The following CHRNA6 variants were observed in gnomAD, a reference collection of about 807,000 sequenced individuals.
CHRNA6 encodes the protein cholinergic receptor nicotinic alpha 6 subunit.
CHRNA6 carries 31 observed loss-of-function variants against 40.9 expected under a neutral mutation model. That is an observed-to-expected ratio of 0.76 (90% CI 0.57 to 1.02). The LOEUF is 1.02. CHRNA6 is among the 50% of genes least tolerant of loss of function. The probability of loss-of-function intolerance (pLI) is 0.00; values close to 1 mark genes in which losing one functional copy is unlikely to be tolerated. For missense variants in CHRNA6, 546 were observed against 596.6 expected, an observed-to-expected ratio of 0.92 and a Z score of 0.88; for synonymous variants, 222 against 221.3, an observed-to-expected ratio of 1.00 and a Z score of -0.03.
At chr8:42,759,340 C>T (rs969224827) in intron 2 of CHRNA6, 110 of 508,662 alleles carry the variant, frequency 2.2e-4, no homozygotes, top group African/African-American at 1.7e-3. Flanking sequence ...TAAACTCTTT[C>T]ATAGCTGATT....
chr8:42,758,114 T>G (rs886215865), intron 3 of CHRNA6, among the ~76,000 whole-genome samples: 7 of 152,188 alleles, frequency 4.6e-5, no homozygotes, highest in Admixed American at 1.3e-4. Context: ...TATCAAAATC[T>G]GGACAATTAT....
chr8:42,766,858 C>T (rs1816983177), intron 1 of CHRNA6, among the ~76,000 whole-genome samples: 1 of 152,252 alleles, frequency 6.6e-6, no homozygotes, highest in Non-Finnish European at 1.5e-5. Context: ...CAAAGCTGCA[C>T]ATCCTGCCCA....
intron 4 of CHRNA6, 21 bp downstream of exon 4, chr8:42,756,907 A>G (rs1460180431): frequency 1.2e-6 from 2 of 1,610,872 alleles, no homozygotes; most frequent in East Asian, 2.2e-5. Flanking sequence ...GAAAGAGGCT[A>G]CGGTGGTCAG....
At chr8:42,760,608 TCAAA>T (rs1389889257) in intron 2 of CHRNA6, among the ~76,000 whole-genome samples, 2 of 148,766 alleles carry the variant, frequency 1.3e-5, no homozygotes, top group Non-Finnish European at 3.0e-5. Flanking sequence ...GCACACACAC[TCAAA>T]CACACTCATG....
intron 2 of CHRNA6, among the ~76,000 whole-genome samples, chr8:42,763,546 C>T (rs1038641516): frequency 8.5e-5 from 13 of 152,128 alleles, no homozygotes; most frequent in South Asian, 4.1e-4. Flanking sequence ...TATGGAGAGA[C>T]GCCATGCAGT....
chr8:42,758,352 G>T (rs1816841802), intron 3 of CHRNA6, among the ~76,000 whole-genome samples: 1 of 146,332 alleles, frequency 6.8e-6, no homozygotes, highest in African/African-American at 2.5e-5. Flanking sequence ...CTTCCTTTCT[G>T]TTTTTTTTTT....
At chr8:42,754,979 T>C (rs1222716906) in intron 5 of CHRNA6, among the ~76,000 whole-genome samples, 1 of 151,848 alleles carries the variant, frequency 6.6e-6, no homozygotes, top group Admixed American at 6.6e-5. Context: ...TCATTTCTCC[T>C]TCCCTCTGGG....
At position 42,759,220 on chromosome 8, in the gene CHRNA6, A is replaced by C. The variant is rs115304375; in HGVS notation, c.220-107T>G. Reference sequence around the variant, plus strand: ...GAACCAAATCTGACTTATTCATGCCAATAGAAGAAGACTTCAAGGCAATGT... The same window carrying C: ...GAACCAAATCTGACTTATTCATGCCCATAGAAGAAGACTTCAAGGCAATGT... On this transcript the variant is annotated intron_variant, in intron 2 of 5. Transcript: ENST00000276410. 1.4e-3 allele frequency: 1,173 copies of C among 826,706 alleles called. 8 individuals carry two copies. In the African/African-American group the frequency reaches 0.018, roughly 12 times the overall value. 51.2% of individuals were successfully genotyped at this position (826,706 alleles called of 1,614,324 possible). A position where few individuals can be genotyped will look rare whatever the true frequency, so the allele number is the denominator to read the frequency against.
intron 5 of CHRNA6, among the ~76,000 whole-genome samples, chr8:42,755,267 GAA>G (rs1409317770): frequency 7.6e-6 from 1 of 131,622 alleles, no homozygotes; most frequent in African/African-American, 3.8e-5. Flanking sequence ...AGGTTGCCCT[GAA>G]TGTTTGTTTG....
chr8:42,755,077 G>A (rs571769200), intron 5 of CHRNA6, among the ~76,000 whole-genome samples: 3 of 140,752 alleles, frequency 2.1e-5, no homozygotes, highest in African/African-American at 8.3e-5. Flanking sequence ...GCCCTGATCT[G>A]TCGTCTATCT....
At chr8:42,757,291 G>C (rs1234411937) in intron 3 of CHRNA6, among the ~76,000 whole-genome samples, 2 of 151,528 alleles carry the variant, frequency 1.3e-5, no homozygotes, top group African/African-American at 2.4e-5. Context: ...TCTTGAACGT[G>C]GGGGGCAGAG....
At chr8:42,763,384 A>G (rs1233423940) in intron 2 of CHRNA6, among the ~76,000 whole-genome samples, 5 of 152,218 alleles carry the variant, frequency 3.3e-5, no homozygotes, top group Admixed American at 3.3e-4. Context: ...TTTCTGTTGC[A>G]TAAGACAGGA....
In CHRNA6 at chr8:42,765,085, TG is replaced by T; in HGVS notation, c.198del (p.Ile67SerfsTer10). On this transcript the variant is annotated frameshift_variant, in exon 2 of 6. Coordinates refer to ENST00000276410, the MANE Select transcript of CHRNA6 (RefSeq NM_004198.3). LOFTEE classifies it high-confidence loss of function. The stretch of plus-strand genomic sequence containing the variant: ...CTCACCACGTTGGCCAGCTGGGTGA[TG>T]GCCACTTCAAAGTGTACCGTGACAG... ...SDPVTVHFEV[A>X]ITQLANVDEV... The T allele has an allele frequency of 6.2e-7, 1 of 1,614,162 alleles. No individual in the cohort carries two copies. The highest frequency in any genetic ancestry group is 8.5e-7 in the Non-Finnish European group (1 of 1,180,006).
chr8:42,761,879 A>G (rs541361194), intron 2 of CHRNA6, among the ~76,000 whole-genome samples: 26 of 152,378 alleles, frequency 1.7e-4, no homozygotes, highest in African/African-American at 6.3e-4. Flanking sequence ...GAGCAGCAGC[A>G]GACTTGGAGA....
intron 5 of CHRNA6, among the ~76,000 whole-genome samples, chr8:42,753,927 T>C (rs1816756742): frequency 6.6e-6 from 1 of 152,136 alleles, no homozygotes. Context: ...GTGGGTAGTC[T>C]GGCTCCATGG....
At chr8:42,760,651 C>T (rs1160059969) in intron 2 of CHRNA6, among the ~76,000 whole-genome samples, 6 of 152,196 alleles carry the variant, frequency 3.9e-5, no homozygotes, top group South Asian at 2.1e-4. Context: ...TGCACACACA[C>T]GCTAGCACAC....
intron 2 of CHRNA6, among the ~76,000 whole-genome samples, chr8:42,761,339 G>A (rs190154502): frequency 3.5e-4 from 54 of 152,314 alleles, no homozygotes; most frequent in Admixed American, 1.8e-3. Flanking sequence ...GGTAATGAGC[G>A]TCCCCTTGCA....
chr8:42,759,436 G>C, intron 2 of CHRNA6: 2 of 257,224 alleles, frequency 7.8e-6, no homozygotes, highest in Non-Finnish European at 1.6e-5. Context: ...AAGAAAAGAA[G>C]AGCGACAGCA....
At chr8:42,753,689 A>G (rs1816754781) in intron 5 of CHRNA6, among the ~76,000 whole-genome samples, 1 of 152,136 alleles carries the variant, frequency 6.6e-6, no homozygotes. Flanking sequence ...ATAAATAAAA[A>G]TGAAAATAAA....
Sources: gnomAD v4.1 joint callset for allele counts (sites outside exome capture counted in the v4.1 genomes callset) on GRCh38, gnomAD v4.1.1 for gene constraint, MANE v1.5 for transcripts, NCBI Gene and HGNC (gene_info 2026-07-23, HGNC 2026-07-21) for gene names.